The following UNKL variants were observed in gnomAD, a reference collection of about 807,000 sequenced individuals.
The protein encoded by UNKL is unk like zinc finger.
UNKL carries 60 observed loss-of-function variants against 78.0 expected under a neutral mutation model. That is an observed-to-expected ratio of 0.77 (90% CI 0.63 to 0.95). The LOEUF is 0.95. UNKL is among the 40% of genes least tolerant of loss of function. The pLI, the probability that UNKL is intolerant of heterozygous loss-of-function variation, is 0.00. For synonymous variants in UNKL, 608 were observed against 474.8 expected (o/e 1.28, Z -3.65); for missense variants, 1,159 against 1,045.7 (o/e 1.11, Z -1.49).
At chr16:1,392,402 GCCTTA>G (rs2142135752) in intron 8 of UNKL, among the ~76,000 whole-genome samples, 1 of 151,762 alleles carries the variant, frequency 6.6e-6, no homozygotes, top group South Asian at 2.1e-4. Flanking sequence ...CTCCCCCATA[GCCTTA>G]CCTTCCTAGA....
intron 9 of UNKL, among the ~76,000 whole-genome samples, chr16:1,389,531 T>G (rs76002609): frequency 0.018 from 2,714 of 152,254 alleles, 80 homozygotes; most frequent in African/African-American, 0.06. Context: ...AGCTGGGACT[T>G]GGCCACTGCA....
At position 1,364,031 on chromosome 16, in the gene UNKL, C is replaced by T. The variant is rs947295817; in HGVS notation, c.*2209G>A. On this transcript the variant is annotated 3_prime_UTR_variant, in exon 15 of 15. Transcript: ENST00000389221. ...GACAACCGGGAGATGTCTCGGCAGA[C>T]ACCACTTATCCCAGAAAAGACCAGA... 39 of 152,322 alleles carry T rather than the reference C, an allele frequency of 2.6e-4. 1 individual carries two copies. The highest frequency in any genetic ancestry group is 8.7e-4 in the African/African-American group (36 of 41,560). 9.4% of individuals were successfully genotyped at this position (152,322 alleles called of 1,614,324 possible).
intron 5 of UNKL, chr16:1,398,380 T>C (rs1290766263): frequency 9.8e-7 from 1 of 1,019,182 alleles, no homozygotes; most frequent in Non-Finnish European, 1.2e-6. Flanking sequence ...AAAATAATTT[T>C]TATTTTCTTT....
chr16:1,398,679 G>GCGGCCCCCCCC (rs2037380195), intron 5 of UNKL: 8 of 1,355,636 alleles, frequency 5.9e-6, no homozygotes, highest in Non-Finnish European at 6.7e-6. Flanking sequence ...TGTGGGGTCT[G>GCGGCCCCCCCC]CACCCCCCCA....
chr16:1,371,688 C>A, intron 10 of UNKL, 77 bp from the exon 11 acceptor site: 1 of 1,443,198 alleles, frequency 6.9e-7, no homozygotes, highest in South Asian at 1.3e-5. Flanking sequence ...GGAGGACGAC[C>A]GTCCCACCTG....
chr16:1,403,868 G>A lies in UNKL; in HGVS notation c.288-524C>T, dbSNP rs990421318. Among the ~76,000 whole-genome samples, 3 of 152,116 alleles carry A rather than the reference G, an allele frequency of 2.0e-5. No individual in the cohort carries two copies. The highest frequency in any genetic ancestry group is 7.2e-5 in the African/African-American group (3 of 41,430). On this transcript the variant is annotated intron_variant, in intron 2 of 14. Coordinates refer to ENST00000389221, the MANE Select transcript of UNKL (RefSeq NM_001372107.1). This position sits in a 1 kb window ranked among gnomAD's most constrained non-coding sequence, Gnocchi z 4.8. ...GCGGCTTGGGGGACACGAGGGGGAT[G>A]GGCAGAAGAGGCGGCAGATGGCGTG...
At chr16:1,391,448 C>T (rs1359430441) in intron 8 of UNKL, among the ~76,000 whole-genome samples, 1 of 151,952 alleles carries the variant, frequency 6.6e-6, no homozygotes, top group African/African-American at 2.4e-5. Flanking sequence ...AGGCATTTGC[C>T]AGTGGACCCA....
At chr16:1,404,702 A>G (rs748024208) in intron 2 of UNKL, among the ~76,000 whole-genome samples, 6 of 152,252 alleles carry the variant, frequency 3.9e-5, no homozygotes, top group Non-Finnish European at 7.3e-5. Context: ...GCCAAGAGGC[A>G]GAAACCACCC....
chr16:1,414,606 G>A lies in UNKL; in HGVS notation c.77+9C>T, dbSNP rs545640198. On this transcript the variant is annotated intron_variant, in intron 1 of 14. Coordinates refer to ENST00000389221, the MANE Select transcript of UNKL (RefSeq NM_001372107.1). ...CGGGCGGGGGGCCGCAGGCCGGACG[G>A]GCGCTGACCTGTAGTGGGTCGGCTT... The A allele has an allele frequency of 1.3e-3, 1,409 of 1,056,192 alleles. 2 individuals carry two copies. The highest frequency in any genetic ancestry group is 1.6e-3 in the Non-Finnish European group (1,356 of 870,200). 65.4% of individuals were successfully genotyped at this position (1,056,192 alleles called of 1,614,324 possible).
rs1472863989 is a variant in UNKL, at chr16:1,365,844, C to T, written c.*396G>A. On this transcript the variant is annotated 3_prime_UTR_variant, in exon 15 of 15. Transcript: ENST00000389221. The stretch of plus-strand genomic sequence containing the variant: ...CAATTTATAACCTCTAACTAAATTC[C>T]TCGGTTTACAAAGTGCTTTGAAAGA... 4 of 169,042 alleles carry T rather than the reference C, an allele frequency of 2.4e-5. No individual in the cohort carries two copies. Among genetic ancestry groups the T allele is most frequent in the Non-Finnish European group, 1.3e-5 (1 of 79,558 alleles). The allele number at this position is 169,042 out of a possible 1,614,324, so 10.5% of individuals were successfully genotyped here.
At chr16:1,395,675 T>A in intron 6 of UNKL, 3 of 456,066 alleles carry the variant, frequency 6.6e-6, no homozygotes, top group Non-Finnish European at 1.3e-5. Flanking sequence ...AGGGTTTATC[T>A]CCCTCAGGAT....
At chr16:1,381,449 G>A (rs972227614) in intron 10 of UNKL, among the ~76,000 whole-genome samples, 2 of 152,038 alleles carry the variant, frequency 1.3e-5, no homozygotes, top group African/African-American at 2.4e-5. Context: ...GCAAAACCCC[G>A]TCTCTATTAA....
chr16:1,375,762 A>C (rs1379510492), intron 10 of UNKL, among the ~76,000 whole-genome samples: 2 of 152,154 alleles, frequency 1.3e-5, no homozygotes, highest in Non-Finnish European at 2.9e-5. Flanking sequence ...GGCGGAGCCA[A>C]AGGCAGGCCT....
At chr16:1,401,527 G>GGCC in intron 4 of UNKL, 41 bp downstream of exon 4, 1 of 1,404,770 alleles carries the variant, frequency 7.1e-7, no homozygotes, top group Non-Finnish European at 9.5e-7. Context: ...CGCTGTGCCC[G>GGCC]CCCCCCCCAC....
intron 11 of UNKL, among the ~76,000 whole-genome samples, 181 bp downstream of exon 11, chr16:1,371,338 G>T (rs1215779164): frequency 6.6e-6 from 1 of 152,182 alleles, no homozygotes; most frequent in African/African-American, 2.4e-5. Context: ...CCGCCAGAAG[G>T]GGATCCTCCC....
intron 10 of UNKL, among the ~76,000 whole-genome samples, chr16:1,376,161 T>C (rs1218080678): frequency 7.4e-6 from 1 of 135,020 alleles, no homozygotes; most frequent in Non-Finnish European, 1.6e-5. Context: ...GCGCTCCTCC[T>C]CCCTCAGTCC....
At chr16:1,401,325 C>G (rs73490006) in intron 4 of UNKL, 7,388 of 420,342 alleles carry the variant, frequency 0.018, 426 homozygotes, top group African/African-American at 0.13. Flanking sequence ...TGGCTGGCCC[C>G]ACTGAGATGC....
At chr16:1,371,868 G>A (rs866898831) in intron 10 of UNKL, among the ~76,000 whole-genome samples, 1 of 152,208 alleles carries the variant, frequency 6.6e-6, no homozygotes, top group African/African-American at 2.4e-5. Flanking sequence ...CCAGCAGCTG[G>A]GTCCTCGCCT....
At chr16:1,394,703 G>C (rs1206016097) in intron 6 of UNKL, among the ~76,000 whole-genome samples, 1 of 152,022 alleles carries the variant, frequency 6.6e-6, no homozygotes, top group East Asian at 1.9e-4. Context: ...GCCTGGCCCA[G>C]CCCCTCCTGC....
Sources: gnomAD v4.1 joint callset for allele counts (sites outside exome capture counted in the v4.1 genomes callset) on GRCh38, gnomAD v4.1.1 for gene constraint, Gnocchi (gnomAD v3.1) non-coding constraint, MANE v1.5 for transcripts, NCBI Gene and HGNC (gene_info 2026-07-23, HGNC 2026-07-21) for gene names.